The following CFAP54 variants were observed in gnomAD, a reference collection of about 807,000 sequenced individuals.
CFAP54 encodes cilia and flagella associated protein 54, also known as cilia- and flagella-associated protein 54.
A neutral mutation model predicts 370.4 loss-of-function variants in CFAP54; 290 were observed. The ratio of observed to expected loss-of-function variants is 0.78; its 90% CI spans 0.71 to 0.86. The LOEUF (loss-of-function observed/expected upper bound fraction) is 0.86. CFAP54 is among the 40% of genes least tolerant of loss of function. The pLI, the probability that CFAP54 is intolerant of heterozygous loss-of-function variation, is 0.00. For missense variants in CFAP54, 3,399 were observed against 3,528.7 expected (o/e 0.96, Z 0.93); for synonymous variants, 1,206 against 1,236.5 (o/e 0.98, Z 0.52).
intron 50 of CFAP54, among the ~76,000 whole-genome samples, chr12:96,732,594 G>A (rs551463068): frequency 1.3e-5 from 2 of 152,230 alleles, no homozygotes; most frequent in South Asian, 4.1e-4. Context: ...AAATGTTAAG[G>A]AAATTAAGAC....
intron 38 of CFAP54, among the ~76,000 whole-genome samples, chr12:96,663,320 C>A (rs1957017569): frequency 6.6e-6 from 1 of 152,050 alleles, no homozygotes; most frequent in African/African-American, 2.4e-5. Context: ...GGGTCTTGGG[C>A]CCTTTAAAAT....
rs1198377279 is a variant in CFAP54 at position 96,817,901 on chromosome 12, T to A, written c.9084T>A (p.Asp3028Glu). The change falls in exon 65 of 68, where the codon GAT (aspartate) becomes GAA (glutamate). Residue 3028 changes from aspartate (D) to glutamate (E), a missense_variant. This residue lies in a region of CFAP54 where 2,796 missense variants were observed against 2,869.7 expected (regional missense o/e 0.97). Transcript: ENST00000524981. ...YEVEVEEESV[D>E]NEMEDMIIQC... ...TAGAAGTGGAAGAGGAATCAGTTGA[T>A]AATGAAATGGAAGTAAGTTGTTAAA... 1 of 1,478,050 alleles carries A rather than the reference T, an allele frequency of 6.8e-7. No homozygotes were observed. Among genetic ancestry groups the A allele is most frequent in the Non-Finnish European group, 8.9e-7 (1 of 1,118,570 alleles). The allele number at this position is 1,478,050 out of a possible 1,614,324, so 91.6% of individuals were successfully genotyped here.
In CFAP54 at chr12:96,650,092, T is replaced by C. The variant is rs970416349; in HGVS notation, c.4872+20T>C. ...GCAATGGTAATGCAATCTTTCTTGTTTGCAGTGTAGTAGACATAAATTTCA... is the reference window on the plus strand; with the variant it reads ...GCAATGGTAATGCAATCTTTCTTGTCTGCAGTGTAGTAGACATAAATTTCA... On this transcript the variant is annotated intron_variant, in intron 35 of 67. Transcript: ENST00000524981. 1 of 1,593,886 alleles carries C rather than the reference T, an allele frequency of 6.3e-7. No individual in the cohort carries two copies. Among genetic ancestry groups the C allele is most frequent in the Admixed American group, 1.8e-5 (1 of 56,656 alleles).
At chr12:96,592,255 T>C (rs1956132942) in intron 23 of CFAP54, among the ~76,000 whole-genome samples, 1 of 152,244 alleles carries the variant, frequency 6.6e-6, no homozygotes, top group African/African-American at 2.4e-5. Flanking sequence ...AAAATAACTT[T>C]ATGTATTAGA....
At chr12:96,619,983 T>C (rs1268463549) in intron 26 of CFAP54, among the ~76,000 whole-genome samples, 2 of 152,184 alleles carry the variant, frequency 1.3e-5, no homozygotes, top group Non-Finnish European at 2.9e-5. Context: ...AGACCCTGCC[T>C]CTACAAAATA....
chr12:96,768,788 G>A (rs1328355619), intron 60 of CFAP54, among the ~76,000 whole-genome samples: 1 of 152,234 alleles, frequency 6.6e-6, no homozygotes, highest in Non-Finnish European at 1.5e-5. Flanking sequence ...TCTGAGGGGA[G>A]CTGGACACAG....
At chr12:96,544,900 CTTCCT>C (rs935270277) in intron 14 of CFAP54, among the ~76,000 whole-genome samples, 1 of 151,572 alleles carries the variant, frequency 6.6e-6, no homozygotes, top group Non-Finnish European at 1.5e-5. Context: ...TCAGGTATCT[CTTCCT>C]TTTCTTTTTT....
intron 40 of CFAP54, among the ~76,000 whole-genome samples, chr12:96,680,133 C>T (rs534206620): frequency 1.2e-4 from 18 of 152,324 alleles, no homozygotes; most frequent in Middle Eastern, 3.4e-3. Context: ...TTTGCCAAAA[C>T]ACTACTTTAT....
rs561577752 is a variant in CFAP54 at position 96,604,070 on chromosome 12, G to A, written c.3639+5303G>A. On this transcript the variant is annotated intron_variant, in intron 26 of 67. Transcript: ENST00000524981. ...TGGAATTTTTAGCCCTTCTGCTCTGGTTTCTCCCCATCTTTGTGGTTTTAT... is the reference window on the plus strand; with the variant it reads ...TGGAATTTTTAGCCCTTCTGCTCTGATTTCTCCCCATCTTTGTGGTTTTAT... 2.0e-5 allele frequency among the ~76,000 whole-genome samples: 3 copies of A among 152,278 alleles called. No homozygotes were observed. The South Asian group carries it at 6.2e-4, about 32-fold the overall frequency.
chr12:96,640,976 G>A (rs1165579003), intron 32 of CFAP54, among the ~76,000 whole-genome samples: 1 of 151,972 alleles, frequency 6.6e-6, no homozygotes, highest in Non-Finnish European at 1.5e-5. Context: ...AAAAACCCTA[G>A]AAGAAAACCT....
chr12:96,585,162 T>C (rs1956065750), intron 22 of CFAP54, among the ~76,000 whole-genome samples: 1 of 152,090 alleles, frequency 6.6e-6, no homozygotes, highest in Admixed American at 6.6e-5. Context: ...CTTTTTATTA[T>C]TTATTTATTT....
At chr12:96,754,043 C>T (rs1257958263) in intron 56 of CFAP54, 145 bp downstream of exon 56, 1 of 631,190 alleles carries the variant, frequency 1.6e-6, no homozygotes, top group Non-Finnish European at 2.4e-6. Flanking sequence ...AATGGTACCT[C>T]CACCAAATCC....
chr12:96,560,371 A>G (rs1277806681), intron 17 of CFAP54, among the ~76,000 whole-genome samples: 1 of 152,188 alleles, frequency 6.6e-6, no homozygotes, highest in East Asian at 1.9e-4. Context: ...GTCTGAGAAC[A>G]TGCTCTATTA....
chr12:96,497,720 T>A (rs1954972405), intron 1 of CFAP54, among the ~76,000 whole-genome samples: 1 of 152,206 alleles, frequency 6.6e-6, no homozygotes, highest in African/African-American at 2.4e-5. Context: ...TAATTATAGC[T>A]ATGCCTTGAT....
At position 96,534,209 on chromosome 12, in the gene CFAP54, A is replaced by T. The variant is rs762079380; in HGVS notation, c.1687A>T (p.Lys563Ter). The T allele has an allele frequency of 1.4e-5, 20 of 1,446,838 alleles. No homozygotes were observed. The highest frequency in any genetic ancestry group is 2.9e-5 in the African/African-American group (2 of 70,158). 89.6% of individuals were successfully genotyped at this position (1,446,838 alleles called of 1,614,324 possible). ...AGGACAGTCAACTCAAATTTATTTA[A>T]AAAAAATTGCTGTTCATGGTAAGTA... ...KEGQSTQIYLKKIAVHDTCLK... is the reference protein window; with the variant it reads ...KEGQSTQIYL Residue 563 changes from lysine to a stop codon, truncating the protein, a stop_gained, in exon 11 of 68, where the codon AAA becomes TAA. Coordinates refer to ENST00000524981, the MANE Select transcript of CFAP54 (RefSeq NM_001306084.2). LOFTEE classifies it high-confidence loss of function.
At chr12:96,718,764 C>T (rs543649541) in intron 49 of CFAP54, among the ~76,000 whole-genome samples, 18 of 152,044 alleles carry the variant, frequency 1.2e-4, no homozygotes, top group East Asian at 3.9e-4. Flanking sequence ...TTCGGCTGGG[C>T]GCGGTGGCTC....
intron 22 of CFAP54, among the ~76,000 whole-genome samples, chr12:96,587,683 A>G (rs1565904923): frequency 6.6e-6 from 1 of 152,232 alleles, no homozygotes; most frequent in Non-Finnish European, 1.5e-5. Flanking sequence ...TAAAAGGGAT[A>G]CATTTTACAA....
At chr12:96,597,331 T>C (rs1956190766) in intron 25 of CFAP54, among the ~76,000 whole-genome samples, 1 of 152,036 alleles carries the variant, frequency 6.6e-6, no homozygotes, top group Non-Finnish European at 1.5e-5. Flanking sequence ...GGACACAGTG[T>C]TATGTACTGT....
At chr12:96,503,827 T>C in intron 2 of CFAP54, 59 bp from the exon 3 acceptor site, 1 of 1,295,702 alleles carries the variant, frequency 7.7e-7, no homozygotes, top group Non-Finnish European at 1.0e-6. Flanking sequence ...GAATATTACC[T>C]AATAATGATA....
Sources: gnomAD v4.1 joint callset for allele counts (sites outside exome capture counted in the v4.1 genomes callset) on GRCh38, gnomAD v4.1.1 for gene constraint, gnomAD v4.1.1 regional missense constraint, MANE v1.5 for transcripts, NCBI Gene and HGNC (gene_info 2026-07-23, HGNC 2026-07-21) for gene names.